CHAF1B: variants seen among roughly 807,000 people sequenced by gnomAD.
CHAF1B encodes CAF-1 subunit B.
A neutral mutation model predicts 60.7 loss-of-function variants in CHAF1B; 10 were observed. That is an observed-to-expected ratio of 0.16 (90% CI 0.10 to 0.28). The LOEUF (loss-of-function observed/expected upper bound fraction) is 0.28, where lower values mean the gene tolerates loss of function less well. Among genes scored for constraint, CHAF1B ranks in the 10% least tolerant of loss-of-function variants. The pLI, the probability that CHAF1B is intolerant of heterozygous loss-of-function variation, is 1.00. For missense variants in CHAF1B, 558 were observed against 708.4 expected, an observed-to-expected ratio of 0.79 and a Z score of 2.41; for synonymous variants, 261 against 266.1, an observed-to-expected ratio of 0.98 and a Z score of 0.19.
intron 4 of CHAF1B, among the ~76,000 whole-genome samples, chr21:36,393,525 C>T (rs1229960525): frequency 6.8e-6 from 1 of 146,928 alleles, no homozygotes; most frequent in Non-Finnish European, 1.5e-5. Flanking sequence ...GATCTCGGCT[C>T]ACCGCAACCT....
chr21:36,404,847 G>A (rs1432247090), intron 8 of CHAF1B, among the ~76,000 whole-genome samples: 1 of 142,054 alleles, frequency 7.0e-6, no homozygotes, highest in Non-Finnish European at 1.5e-5. Flanking sequence ...GGGTTCAAGC[G>A]ATTCTCCTGC....
Position 36,417,279 on chromosome 21 carries a change from T to A in CHAF1B, c.*913T>A, listed in dbSNP as rs768177637. The A allele has an allele frequency of 1.1e-4, 16 of 150,020 alleles. No homozygotes were observed. The highest frequency in any genetic ancestry group is 1.9e-4 in the Non-Finnish European group (13 of 67,746). The allele number at this position is 150,020 out of a possible 1,614,324, so 9.3% of individuals were successfully genotyped here. A position where few individuals can be genotyped will look rare whatever the true frequency, so the allele number is the denominator to read the frequency against. ...CACCCACACACACACATATATATGA[T>A]ACATATATATATATATACACACACA... On this transcript the variant is annotated 3_prime_UTR_variant, in exon 14 of 14. Coordinates refer to ENST00000314103, the MANE Select transcript of CHAF1B (RefSeq NM_005441.3).
chr21:36,410,591 G>A (rs1480207244), intron 10 of CHAF1B, among the ~76,000 whole-genome samples: 2 of 151,240 alleles, frequency 1.3e-5, no homozygotes, highest in Non-Finnish European at 2.9e-5. Context: ...TCTTTGTTGT[G>A]GTTCTCATCT....
chr21:36,386,296 C>T, intron 2 of CHAF1B, 34 bp downstream of exon 2: 6 of 1,605,786 alleles, frequency 3.7e-6, no homozygotes, highest in Non-Finnish European at 5.1e-6. Flanking sequence ...TCCGGGAACA[C>T]TGCTTGAAGC....
intron 7 of CHAF1B, among the ~76,000 whole-genome samples, chr21:36,399,993 A>G (rs1035813529): frequency 1.3e-5 from 2 of 152,214 alleles, no homozygotes; most frequent in Non-Finnish European, 2.9e-5. Flanking sequence ...AGCCTGGCCA[A>G]CATGGCCAAA....
chr21:36,405,575 G>A (rs553200718), intron 8 of CHAF1B, among the ~76,000 whole-genome samples: 10 of 152,072 alleles, frequency 6.6e-5, no homozygotes, highest in African/African-American at 2.2e-4. Flanking sequence ...GACCACAGGC[G>A]TGTAGCACCA....
chr21:36,412,137 C>A (rs2146376633), intron 11 of CHAF1B, among the ~76,000 whole-genome samples: 1 of 152,328 alleles, frequency 6.6e-6, no homozygotes, highest in African/African-American at 2.4e-5. Flanking sequence ...ATTCAGATTG[C>A]CTTGTGGGGT....
chr21:36,386,352 G>C, intron 2 of CHAF1B, 90 bp downstream of exon 2: 1 of 1,512,062 alleles, frequency 6.6e-7, no homozygotes, highest in Admixed American at 1.9e-5. Context: ...GCTGGGCGCG[G>C]TGGCTTACGC....
intron 6 of CHAF1B, among the ~76,000 whole-genome samples, chr21:36,398,619 C>T (rs562442608): frequency 6.6e-6 from 1 of 152,344 alleles, no homozygotes; most frequent in South Asian, 2.1e-4. Context: ...GTTGGCCTCC[C>T]AAAGTGCTGG....
intron 8 of CHAF1B, among the ~76,000 whole-genome samples, chr21:36,406,260 T>C (rs1170614293): frequency 6.6e-6 from 1 of 152,132 alleles, no homozygotes; most frequent in African/African-American, 2.4e-5. Context: ...ATTAAGAAGG[T>C]TGGGAAGTGT....
In CHAF1B at chr21:36,399,588, A is replaced by G. The variant is rs757207825; in HGVS notation, c.646A>G (p.Ile216Val). Residue 216 changes from isoleucine to valine, a missense_variant, in exon 7 of 14, where the codon ATA becomes GTA. Around this residue, in one of 2 missense-constraint regions of CHAF1B, gnomAD observed 325 missense variants for 493.5 expected, o/e 0.66. Coordinates refer to ENST00000314103, the MANE Select transcript of CHAF1B (RefSeq NM_005441.3). ...CAATGTTTCGAAGATGCTGTCTGGA[A>G]TAGGGGCTGAAGGAGAGGTATAAAA... Reference protein sequence around the residue: ...AFNVSKMLSGIGAEGEARSYR... With the variant: ...AFNVSKMLSGVGAEGEARSYR... 1 of 1,614,030 alleles carries G rather than the reference A, an allele frequency of 6.2e-7. No individual in the cohort carries two copies. The highest frequency in any genetic ancestry group is 1.7e-5 in the Admixed American group (1 of 60,006).
At chr21:36,396,358 CAAAAAAAAA>C (rs777079304) in intron 5 of CHAF1B, among the ~76,000 whole-genome samples, 6 of 52,836 alleles carry the variant, frequency 1.1e-4, no homozygotes, top group African/African-American at 2.7e-4. Flanking sequence ...CCAAAAACCT[CAAAAAAAAA>C]AAAAAAAAAA....
In CHAF1B at chr21:36,413,170, C is replaced by G; in HGVS notation, c.1348C>G (p.Pro450Ala). 8.7e-6 allele frequency: 14 copies of G among 1,614,110 alleles called. No homozygotes were observed. The highest frequency in any genetic ancestry group is 1.2e-5 in the Non-Finnish European group (14 of 1,180,006). ...APAPTVIRDPPSITPAVKSPL... is the reference protein window; with the variant it reads ...APAPTVIRDPASITPAVKSPL... ...AGCCCCAACAGTCATCAGGGACCCT[C>G]CCTCCATCACTCCTGCTGTCAAAAG... Residue 450 changes from proline to alanine, a missense_variant, in exon 12 of 14, where the codon CCC becomes GCC. By Grantham distance (27) the Pro-to-Ala change is conservative. Around this residue, in one of 2 missense-constraint regions of CHAF1B, gnomAD observed 233 missense variants for 214.9 expected, o/e 1.08. Transcript: ENST00000314103.
intron 5 of CHAF1B, among the ~76,000 whole-genome samples, chr21:36,396,358 C>CAAAAAAAAAAAAAAAAAA (rs777079304): frequency 1.1e-4 from 6 of 52,816 alleles, no homozygotes; most frequent in African/African-American, 2.7e-4. Context: ...CCAAAAACCT[C>CAAAAAAAAAAAAAAAAAA]AAAAAAAAAA....
rs758033735 is a variant in CHAF1B, at chr21:36,399,602, A to G, written c.660A>G (p.Gly220=). ...SKMLSGIGAE[G]EARSYRMFHD... Reference sequence around the variant, plus strand: ...TGCTGTCTGGAATAGGGGCTGAAGGAGAGGTATAAAATATTTTGCCATTCT... The same window carrying G: ...TGCTGTCTGGAATAGGGGCTGAAGGGGAGGTATAAAATATTTTGCCATTCT... The change falls in exon 7 of 14, where the codon GGA becomes GGG. Residue 220 remains glycine (G), a synonymous_variant. Coordinates refer to ENST00000314103, the MANE Select transcript of CHAF1B (RefSeq NM_005441.3). 6.2e-7 allele frequency: 1 copy of G among 1,613,648 alleles called. No homozygotes were observed.
intron 4 of CHAF1B, 118 bp from the exon 5 acceptor site, chr21:36,394,429 T>TG (rs35630362): frequency 0.11 from 75,051 of 684,370 alleles, 8,589 homozygotes; most frequent in East Asian, 0.38. Flanking sequence ...AGGCTGGCCT[T>TG]GAACTCCTGA....
intron 8 of CHAF1B, among the ~76,000 whole-genome samples, chr21:36,408,209 T>G (rs2086252247): frequency 6.6e-6 from 1 of 151,500 alleles, no homozygotes; most frequent in Non-Finnish European, 1.5e-5. Flanking sequence ...AGGGGGTGAG[T>G]GTAGAAGAGC....
chr21:36,399,674 C>CCATA, intron 7 of CHAF1B, 69 bp downstream of exon 7: 1 of 1,272,516 alleles, frequency 7.9e-7, no homozygotes, highest in Non-Finnish European at 1.1e-6. Context: ...TGAGCTCCTC[C>CCATA]CATACCCTTG....
chr21:36,409,098 G>A (rs1026563566), intron 9 of CHAF1B, among the ~76,000 whole-genome samples: 6 of 151,288 alleles, frequency 4.0e-5, no homozygotes, highest in South Asian at 2.1e-4. Flanking sequence ...CAAGTGGTCC[G>A]CTTGCCTCGG....
Sources: allele counts gnomAD v4.1 joint callset (sites outside exome capture counted in the v4.1 genomes callset), GRCh38; gene constraint gnomAD v4.1.1; regional missense constraint gnomAD v4.1.1; transcripts MANE v1.5; gene names NCBI Gene and HGNC (gene_info 2026-07-23, HGNC 2026-07-21).